Variants in GPC4 observed in about 807,000 individuals in gnomAD.
GPC4 encodes the protein glypican-4.
Under a neutral mutation model 35.0 loss-of-function variants are expected in GPC4, and 10 were observed. The observed-to-expected ratio is 0.29, with a 90% confidence interval of 0.18 to 0.48. GPC4 has a LOEUF of 0.48. Ranked by LOEUF, GPC4 falls within the 20% of genes least tolerant of loss-of-function variation. The pLI is 0.99. For missense variants in GPC4, 322 were observed against 451.3 expected, an observed-to-expected ratio of 0.71 and a Z score of 2.60; for synonymous variants, 167 against 170.2, an observed-to-expected ratio of 0.98 and a Z score of 0.15.
chrX:133,323,273 G>A (rs1200423491), intron 3 of GPC4, among the ~76,000 whole-genome samples: 18 of 111,798 alleles, frequency 1.6e-4, no homozygotes, highest in Non-Finnish European at 3.8e-5. Flanking sequence ...GAGGCCAGGA[G>A]TTCGAGACCA....
Position 133,367,640 on chromosome X carries a change from G to A in GPC4, c.161-28299C>T, listed in dbSNP as rs184904517. Among the ~76,000 whole-genome samples the A allele has an allele frequency of 7.4e-4, 82 of 111,513 alleles. 1 individual carries two copies. The highest frequency in any genetic ancestry group is 2.4e-3 in the African/African-American group (75 of 30,732). ...TCCCAGCACTTTGGGAGGCCAAGGC[G>A]GGAGAATGCTTGAGCCCGGGAGTTT... On this transcript the variant is annotated intron_variant, in intron 1 of 8. Transcript: ENST00000370828.
At chrX:133,381,477 T>G (rs1318406084) in intron 1 of GPC4, among the ~76,000 whole-genome samples, 1 of 111,518 alleles carries the variant, frequency 9.0e-6, no homozygotes, top group African/African-American at 3.3e-5. Flanking sequence ...CTCAGTCCAG[T>G]GGTATGAGCC....
chrX:133,390,823 C>G (rs915507616), intron 1 of GPC4, among the ~76,000 whole-genome samples: 1 of 111,485 alleles, frequency 9.0e-6, no homozygotes, highest in East Asian at 2.8e-4. Context: ...ACACCGGGAA[C>G]AAGACCTTGA....
At chrX:133,318,181 G>C (rs1390651003) in intron 3 of GPC4, among the ~76,000 whole-genome samples, 1 of 111,788 alleles carries the variant, frequency 8.9e-6, no homozygotes, top group African/African-American at 3.2e-5. Flanking sequence ...CTTCCTCTTT[G>C]CAATTCTAGA....
chrX:133,344,143 T>C (rs1324146431), intron 1 of GPC4, among the ~76,000 whole-genome samples: 1 of 104,743 alleles, frequency 9.5e-6, no homozygotes, highest in East Asian at 3.0e-4. Context: ...ACTACTAACT[T>C]GACTATTTTC....
intron 1 of GPC4, among the ~76,000 whole-genome samples, chrX:133,381,669 T>C (rs1321136419): frequency 4.4e-5 from 5 of 112,720 alleles, no homozygotes; most frequent in Non-Finnish European, 9.4e-5. Context: ...TTCTTAACCA[T>C]TTAGCATGTG....
At chrX:133,320,109 A>C (rs1460485863) in intron 3 of GPC4, among the ~76,000 whole-genome samples, 1 of 111,819 alleles carries the variant, frequency 8.9e-6, no homozygotes, top group Non-Finnish European at 1.9e-5. Flanking sequence ...TTTTTTAGGC[A>C]TTCCCAATTG....
At chrX:133,315,023 C>T (rs1237322615) in intron 3 of GPC4, among the ~76,000 whole-genome samples, 6 of 110,321 alleles carry the variant, frequency 5.4e-5, no homozygotes, top group African/African-American at 1.6e-4. Flanking sequence ...AAAAGTATGC[C>T]ACCACCATGG....
intron 2 of GPC4, among the ~76,000 whole-genome samples, chrX:133,334,600 G>C (rs12688492): frequency 0.37 from 40,813 of 110,004 alleles, 6,443 homozygotes; most frequent in African/African-American, 0.6. Context: ...GAATTGGTAG[G>C]ATTGAAAAGG....
chrX:133,310,682 G>A (rs985799337), intron 4 of GPC4, among the ~76,000 whole-genome samples: 9 of 111,978 alleles, frequency 8.0e-5, no homozygotes, highest in East Asian at 2.8e-4. Context: ...TAACAAATGC[G>A]TATCTGGCCG....
chrX:133,321,815 C>T (rs763890903), intron 3 of GPC4, among the ~76,000 whole-genome samples: 1 of 111,628 alleles, frequency 9.0e-6, no homozygotes, highest in Non-Finnish European at 1.9e-5. Flanking sequence ...CCCCACTTAC[C>T]CTCAACTCCA....
intron 1 of GPC4, among the ~76,000 whole-genome samples, chrX:133,347,251 T>TTTTTG (rs1569347719): frequency 1.4e-5 from 1 of 73,473 alleles, no homozygotes; most frequent in African/African-American, 5.9e-5. Flanking sequence ...ATTAGAAGTT[T>TTTTTG]TTTTTTTTTT....
At chrX:133,398,686 T>G (rs2068755316) in intron 1 of GPC4, among the ~76,000 whole-genome samples, 5 of 109,060 alleles carry the variant, frequency 4.6e-5, no homozygotes, top group African/African-American at 1.3e-4. Flanking sequence ...GAGAATCACT[T>G]GAACCCGGGA....
intron 1 of GPC4, among the ~76,000 whole-genome samples, chrX:133,372,956 A>T (rs1040100647): frequency 1.5e-4 from 17 of 111,364 alleles, no homozygotes; most frequent in South Asian, 7.7e-4. Flanking sequence ...CTCAACTTCT[A>T]TATCAGGCCC....
At chrX:133,377,171 C>T (rs2068637373) in intron 1 of GPC4, among the ~76,000 whole-genome samples, 1 of 112,008 alleles carries the variant, frequency 8.9e-6, no homozygotes, top group African/African-American at 3.2e-5. Flanking sequence ...GGAAGCTAAT[C>T]TACACCAGGG....
chrX:133,390,709 C>G (rs1473220390), intron 1 of GPC4, among the ~76,000 whole-genome samples: 1 of 112,078 alleles, frequency 8.9e-6, no homozygotes, highest in East Asian at 2.8e-4. Context: ...CTTATCTTTC[C>G]AGATCATCTC....
At chrX:133,311,511 G>T in intron 3 of GPC4, 88 bp from the exon 4 acceptor site, 1 of 866,909 alleles carries the variant, frequency 1.2e-6, no homozygotes, top group Non-Finnish European at 1.7e-6. Context: ...TGAAGGCTTG[G>T]CCATGAACTT....
intron 1 of GPC4, among the ~76,000 whole-genome samples, chrX:133,361,992 T>C (rs1375855050): frequency 3.6e-5 from 4 of 110,229 alleles, no homozygotes; most frequent in African/African-American, 9.9e-5. Context: ...GGCGGGAGGA[T>C]TGCTTGAGCT....
chrX:133,377,889 C>CTT (rs774106053), intron 1 of GPC4, among the ~76,000 whole-genome samples: 1 of 72,763 alleles, frequency 1.4e-5, no homozygotes, highest in African/African-American at 5.4e-5. Context: ...TTTTTTTTTT[C>CTT]TTTTTTTTTT....
Sources: allele counts gnomAD v4.1 joint callset (sites outside exome capture counted in the v4.1 genomes callset), GRCh38; gene constraint gnomAD v4.1.1; transcripts MANE v1.5; gene names NCBI Gene and HGNC (gene_info 2026-07-23, HGNC 2026-07-21).